RTN1: variants seen among roughly 807,000 people sequenced by gnomAD.
RTN1 encodes reticulon-1.
In RTN1, 25 loss-of-function variants were observed where a neutral mutation model predicts 65.5. The observed-to-expected ratio is 0.38, with a 90% CI of 0.28 to 0.53. The LOEUF is 0.53. Among genes scored for constraint, RTN1 ranks in the 20% least tolerant of loss-of-function variants. RTN1 has a pLI of 0.79. For missense variants in RTN1, 983 were observed against 1,025.4 expected, an observed-to-expected ratio of 0.96 and a Z score of 0.57; for synonymous variants, 471 against 447.6, an observed-to-expected ratio of 1.05 and a Z score of -0.66.
At chr14:59,730,268 G>A (rs1884871348) in intron 2 of RTN1, among the ~76,000 whole-genome samples, 1 of 152,172 alleles carries the variant, frequency 6.6e-6, no homozygotes, top group African/African-American at 2.4e-5. Flanking sequence ...CTGAGATGTG[G>A]CAAGTTATAT....
At chr14:59,819,993 C>A (rs1417812768) in intron 1 of RTN1, among the ~76,000 whole-genome samples, 1 of 152,244 alleles carries the variant, frequency 6.6e-6, no homozygotes, top group Non-Finnish European at 1.5e-5. Flanking sequence ...GGGGCTCTCA[C>A]AGTGCAGCGG....
At chr14:59,784,105 T>C (rs1331257474) in intron 1 of RTN1, among the ~76,000 whole-genome samples, 3 of 152,208 alleles carry the variant, frequency 2.0e-5, no homozygotes, top group African/African-American at 7.2e-5. Flanking sequence ...GAACTCATTA[T>C]ATATTTTTAT....
chr14:59,643,511 C>T (rs977348627), intron 3 of RTN1, among the ~76,000 whole-genome samples: 5 of 152,212 alleles, frequency 3.3e-5, no homozygotes, highest in African/African-American at 1.2e-4. Flanking sequence ...GGCCACCACA[C>T]CTGGCCTCCT....
chr14:59,697,882 T>A (rs1454474091), intron 3 of RTN1, among the ~76,000 whole-genome samples: 2 of 152,100 alleles, frequency 1.3e-5, no homozygotes, highest in Admixed American at 6.6e-5. Context: ...CCAACTCACA[T>A]ACTTCTCAAA....
intron 1 of RTN1, among the ~76,000 whole-genome samples, chr14:59,799,951 A>C (rs1375091754): frequency 6.6e-6 from 1 of 152,178 alleles, no homozygotes; most frequent in Non-Finnish European, 1.5e-5. Flanking sequence ...CTCACCTAAA[A>C]CTAAAGCTAG....
At chr14:59,630,630 G>A in intron 3 of RTN1, 4 of 1,383,706 alleles carry the variant, frequency 2.9e-6, no homozygotes, top group Non-Finnish European at 9.4e-7. Flanking sequence ...GACTGAGGCT[G>A]CACCAGGCGG....
At chr14:59,617,204 CT>C (rs1297889359) in intron 3 of RTN1, among the ~76,000 whole-genome samples, 2 of 152,166 alleles carry the variant, frequency 1.3e-5, no homozygotes, top group Non-Finnish European at 2.9e-5. Flanking sequence ...GGAATCTGTT[CT>C]CATACCTTGT....
At chr14:59,785,194 G>A (rs1223730946) in intron 1 of RTN1, among the ~76,000 whole-genome samples, 1 of 152,076 alleles carries the variant, frequency 6.6e-6, no homozygotes, top group Non-Finnish European at 1.5e-5. Context: ...TAATGCTGCA[G>A]GTATCACCTT....
At chr14:59,820,248 T>G (rs1036594847) in intron 1 of RTN1, among the ~76,000 whole-genome samples, 1 of 152,030 alleles carries the variant, frequency 6.6e-6, no homozygotes, top group Non-Finnish European at 1.5e-5. Flanking sequence ...TTTTTTTTTT[T>G]GCTTGTTGAT....
chr14:59,826,596 A>G (rs1376266535), intron 1 of RTN1, among the ~76,000 whole-genome samples: 1 of 152,256 alleles, frequency 6.6e-6, no homozygotes, highest in Non-Finnish European at 1.5e-5. Flanking sequence ...AAAGACAAAG[A>G]TCGCAAAGAT....
intron 3 of RTN1, among the ~76,000 whole-genome samples, chr14:59,680,846 A>G (rs776829577): frequency 5.3e-5 from 8 of 152,202 alleles, no homozygotes; most frequent in Non-Finnish European, 8.8e-5. Context: ...AGGCATCTTT[A>G]TGCTGTCATG....
chr14:59,737,556 A>G (rs1178152368), intron 2 of RTN1, among the ~76,000 whole-genome samples: 1 of 152,236 alleles, frequency 6.6e-6, no homozygotes, highest in African/African-American at 2.4e-5. Context: ...ATGGATATGA[A>G]GAATCAATAT....
At chr14:59,748,991 T>C (rs1029889464) in intron 1 of RTN1, among the ~76,000 whole-genome samples, 1 of 150,884 alleles carries the variant, frequency 6.6e-6, no homozygotes, top group Non-Finnish European at 1.5e-5. Context: ...GGTTTTGTCA[T>C]GTCGGCCAGA....
At chr14:59,644,700 C>T (rs780472334) in intron 3 of RTN1, among the ~76,000 whole-genome samples, 14 of 152,166 alleles carry the variant, frequency 9.2e-5, no homozygotes, top group African/African-American at 1.4e-4. Flanking sequence ...AGCTAGCCAC[C>T]GATGGTGGCA....
At chr14:59,850,455 C>A (rs1266726255) in intron 1 of RTN1, among the ~76,000 whole-genome samples, 1 of 152,186 alleles carries the variant, frequency 6.6e-6, no homozygotes, top group African/African-American at 2.4e-5. Flanking sequence ...ACACAAAGTA[C>A]AGGTTCTACT....
At chr14:59,610,387 C>T (rs145404795) in intron 3 of RTN1, among the ~76,000 whole-genome samples, 1 of 152,208 alleles carries the variant, frequency 6.6e-6, no homozygotes, top group East Asian at 1.9e-4. Context: ...TGGTTCTGGA[C>T]ACTTTGCAAC....
chr14:59,720,376 G>A (rs17096560), intron 3 of RTN1, among the ~76,000 whole-genome samples: 15 of 152,140 alleles, frequency 9.9e-5, no homozygotes, highest in Non-Finnish European at 1.6e-4. Flanking sequence ...GACCAGAAGA[G>A]CTCCTTCTAT....
chr14:59,664,954 A>G lies in RTN1; in HGVS notation c.1766-57462T>C, dbSNP rs377000369. Among the ~76,000 whole-genome samples the G allele has an allele frequency of 1.2e-4, 19 of 152,316 alleles. 2 individuals carry two copies. Among genetic ancestry groups the G allele is most frequent in the Admixed American group, 7.2e-4 (11 of 15,296 alleles). ...GGCTGTACAACTTTATATTCCCACCAGCAATGAATGAGTGATCCAGTATCT... is the reference window on the plus strand; with the variant it reads ...GGCTGTACAACTTTATATTCCCACCGGCAATGAATGAGTGATCCAGTATCT... On this transcript the variant is annotated intron_variant, in intron 3 of 8. Transcript: ENST00000267484.
At chr14:59,638,270 A>G (rs1041468808) in intron 3 of RTN1, among the ~76,000 whole-genome samples, 4 of 152,228 alleles carry the variant, frequency 2.6e-5, no homozygotes, top group African/African-American at 9.6e-5. Flanking sequence ...CATTTCTATT[A>G]GAGCTCTTAG....
Sources: gnomAD v4.1 joint callset for allele counts (sites outside exome capture counted in the v4.1 genomes callset) on GRCh38, gnomAD v4.1.1 for gene constraint, MANE v1.5 for transcripts, NCBI Gene and HGNC (gene_info 2026-07-23, HGNC 2026-07-21) for gene names.